KHDC1: variants seen among roughly 807,000 people sequenced by gnomAD.
The protein encoded by KHDC1 is KH homology domain-containing protein 1.
A neutral mutation model predicts 24.7 loss-of-function variants in KHDC1; 21 were observed. The observed-to-expected ratio is 0.85, with a 90% CI of 0.60 to 1.23. The LOEUF (loss-of-function observed/expected upper bound fraction) is 1.23. Among genes scored for constraint, KHDC1 ranks in the 50% most tolerant of loss-of-function variants. The pLI is 0.00. For missense variants in KHDC1, 274 were observed against 298.5 expected (o/e 0.92, Z 0.61); for synonymous variants, 98 against 111.7 (o/e 0.88, Z 0.77).
chr6:73,302,557 A>G (rs1767895945), intron 1 of KHDC1, among the ~76,000 whole-genome samples: 2 of 152,212 alleles, frequency 1.3e-5, no homozygotes, highest in Admixed American at 1.3e-4. Context: ...AATGGGTAGT[A>G]CTGTACCTTT....
In KHDC1 at chr6:73,268,384, G is replaced by C. The variant is rs139318352; in HGVS notation, c.206+23614C>G. On this transcript the variant is annotated intron_variant, in intron 2 of 4. Transcript: ENST00000370384. ...CTCATAAAAGCAGTGTGGCCCCAAA[G>C]AGTAAGCAGCAGCAAGATTTATTGC... 4.0e-4 allele frequency: 62 copies of C among 153,512 alleles called. No individual in the cohort carries two copies. The East Asian group carries it at 9.5e-3, about 24-fold the overall frequency. 9.5% of individuals were successfully genotyped at this position (153,512 alleles called of 1,614,324 possible). A position where few individuals can be genotyped will look rare whatever the true frequency, so the allele number is the denominator to read the frequency against.
chr6:73,263,022 G>A (rs913061040), intron 2 of KHDC1: 6 of 1,033,030 alleles, frequency 5.8e-6, no homozygotes, highest in African/African-American at 3.5e-5. Context: ...CCGCAGGCCT[G>A]GGCCACTCCC....
chr6:73,297,067 A>T (rs2150745674), intron 1 of KHDC1, among the ~76,000 whole-genome samples: 2 of 152,022 alleles, frequency 1.3e-5, no homozygotes, highest in South Asian at 4.2e-4. Context: ...TGCCTGGCTA[A>T]ATTTTGTACT....
At chr6:73,307,958 A>G (rs1768000401) in intron 1 of KHDC1, among the ~76,000 whole-genome samples, 1 of 151,704 alleles carries the variant, frequency 6.6e-6, no homozygotes, top group Non-Finnish European at 1.5e-5. Flanking sequence ...GGAGTGCAGT[A>G]ATGGTGCAAT....
chr6:73,302,006 T>C (rs570305773), intron 1 of KHDC1, among the ~76,000 whole-genome samples: 2 of 152,082 alleles, frequency 1.3e-5, no homozygotes, highest in South Asian at 4.2e-4. Context: ...AATTCTGGAA[T>C]GGGCTGGGTG....
At chr6:73,293,291 A>C (rs941339322) in intron 1 of KHDC1, 61 of 582,124 alleles carry the variant, frequency 1.0e-4, no homozygotes, top group Admixed American at 2.5e-5. Context: ...AACATAAGGA[A>C]AAGATTTTAA....
intron 2 of KHDC1, among the ~76,000 whole-genome samples, chr6:73,278,234 C>T (rs1331306236): frequency 6.8e-6 from 1 of 146,806 alleles, no homozygotes; most frequent in Non-Finnish European, 1.5e-5. Flanking sequence ...CCAGGCTGGT[C>T]TCAAACTCCT....
intron 1 of KHDC1, among the ~76,000 whole-genome samples, chr6:73,305,803 G>A (rs1165335272): frequency 7.2e-5 from 11 of 152,040 alleles, no homozygotes; most frequent in Admixed American, 7.2e-4. Flanking sequence ...GGGATTACAG[G>A]AGCCCGCCAC....
chr6:73,262,115 T>C (rs1426302043), intron 2 of KHDC1, among the ~76,000 whole-genome samples: 2 of 151,874 alleles, frequency 1.3e-5, no homozygotes, highest in African/African-American at 2.4e-5. Flanking sequence ...GCCAAATTGA[T>C]GTGCTCAAGC....
chr6:73,259,874 A>C (rs947865545), intron 2 of KHDC1, among the ~76,000 whole-genome samples: 12 of 152,200 alleles, frequency 7.9e-5, no homozygotes, highest in African/African-American at 2.9e-4. Context: ...AAACATAATA[A>C]GAAACAAGCC....
At chr6:73,296,574 G>A (rs1767764285) in intron 1 of KHDC1, among the ~76,000 whole-genome samples, 1 of 152,156 alleles carries the variant, frequency 6.6e-6, no homozygotes, top group African/African-American at 2.4e-5. Context: ...TAAGTGGGTT[G>A]CAAAAACTGA....
chr6:73,241,624 T>C lies in KHDC1; in HGVS notation c.619A>G (p.Arg207Gly), dbSNP rs905343170. The change falls in exon 5 of 5, where the codon AGG becomes GGG. Residue 207 changes from arginine (R) to glycine (G), a missense_variant. Physicochemically the swap from Arg to Gly is moderately radical, Grantham distance 125. Transcript: ENST00000370384. ...CTAAGACACACGGTTCCACTTATCC[T>C]GGGAGCCAAAGACAGGTCTCCAGTG... The C allele has an allele frequency of 2.5e-6, 4 of 1,614,058 alleles. No homozygotes were observed. In the African/African-American group the frequency reaches 4.0e-5, roughly 16 times the overall value.
intron 2 of KHDC1, among the ~76,000 whole-genome samples, chr6:73,279,271 T>C (rs1767359230): frequency 6.6e-6 from 1 of 151,992 alleles, no homozygotes; most frequent in Non-Finnish European, 1.5e-5. Context: ...TAGCCAGGCA[T>C]AGTGGCGCAC....
chr6:73,254,321 C>T (rs1216723912), intron 2 of KHDC1, among the ~76,000 whole-genome samples: 2 of 151,758 alleles, frequency 1.3e-5, no homozygotes, highest in African/African-American at 4.8e-5. Context: ...ATTAGCCAGG[C>T]GTGGTGGTGC....
At chr6:73,255,792 C>T (rs1306059971) in intron 2 of KHDC1, among the ~76,000 whole-genome samples, 1 of 151,296 alleles carries the variant, frequency 6.6e-6, no homozygotes, top group African/African-American at 2.4e-5. Context: ...ATCCCAGCTA[C>T]TCACGAGGCT....
chr6:73,309,533 G>A (rs780603423), intron 1 of KHDC1: 1 of 1,495,490 alleles, frequency 6.7e-7, no homozygotes, highest in Non-Finnish European at 8.9e-7. Flanking sequence ...TTCCTACCAG[G>A]GCCCCTAAAG....
intron 2 of KHDC1, among the ~76,000 whole-genome samples, chr6:73,256,002 G>C (rs2150561657): frequency 6.6e-6 from 1 of 152,058 alleles, no homozygotes; most frequent in African/African-American, 2.4e-5. Flanking sequence ...AGTCTGAATG[G>C]AGTTAGAAAT....
At chr6:73,278,100 C>T (rs1166442250) in intron 2 of KHDC1, among the ~76,000 whole-genome samples, 3 of 149,498 alleles carry the variant, frequency 2.0e-5, no homozygotes, top group Admixed American at 1.3e-4. Flanking sequence ...CGACCTCCGC[C>T]TCCCGGGTTC....
chr6:73,268,932 C>G (rs186001604), intron 2 of KHDC1: 4 of 154,598 alleles, frequency 2.6e-5, no homozygotes, highest in Admixed American at 1.3e-4. Flanking sequence ...GGGTGGTGCT[C>G]GTCGGGGAGC....
Sources: allele counts gnomAD v4.1 joint callset (sites outside exome capture counted in the v4.1 genomes callset), GRCh38; gene constraint gnomAD v4.1.1; transcripts MANE v1.5; gene names NCBI Gene and HGNC (gene_info 2026-07-23, HGNC 2026-07-21).